The following SAMD12 variants were observed in gnomAD, a reference collection of about 807,000 sequenced individuals.
SAMD12 encodes the protein sterile alpha motif domain-containing protein 12.
SAMD12 carries 9 observed loss-of-function variants against 15.0 expected under a neutral mutation model. That is an observed-to-expected ratio of 0.60 (90% confidence interval 0.36 to 1.05). The LOEUF (loss-of-function observed/expected upper bound fraction) is 1.05. Ranked by LOEUF, SAMD12 falls within the 50% of genes least tolerant of loss-of-function variation. The probability of loss-of-function intolerance (pLI) is 0.01; values close to 1 mark genes in which losing one functional copy is unlikely to be tolerated. For missense variants in SAMD12, 230 were observed against 234.2 expected (o/e 0.98, Z 0.12); for synonymous variants, 86 against 90.1 (o/e 0.96, Z 0.25).
intron 4 of SAMD12, among the ~76,000 whole-genome samples, chr8:118,225,353 C>T (rs1453885172): frequency 2.0e-5 from 3 of 152,098 alleles, no homozygotes; most frequent in African/African-American, 7.2e-5. Context: ...GAATACAATG[C>T]TGTTGTCTGG....
chr8:118,215,054 G>C (rs1274734280), intron 4 of SAMD12, among the ~76,000 whole-genome samples: 1 of 152,108 alleles, frequency 6.6e-6, no homozygotes, highest in Non-Finnish European at 1.5e-5. Flanking sequence ...GAGGAATATA[G>C]ACATGAAAAA....
At chr8:118,390,273 G>T (rs1390880564) in intron 3 of SAMD12, among the ~76,000 whole-genome samples, 2 of 152,164 alleles carry the variant, frequency 1.3e-5, no homozygotes. Flanking sequence ...CTCCCAAAGT[G>T]CTAGGATTAC....
chr8:118,259,259 C>G (rs1813023752), intron 4 of SAMD12, among the ~76,000 whole-genome samples: 1 of 152,126 alleles, frequency 6.6e-6, no homozygotes, highest in Non-Finnish European at 1.5e-5. Flanking sequence ...ATGTGACCAA[C>G]ATATTCTAGA....
intron 3 of SAMD12, among the ~76,000 whole-genome samples, chr8:118,420,105 C>T (rs144935606): frequency 1.3e-5 from 2 of 152,338 alleles, no homozygotes; most frequent in African/African-American, 2.4e-5. Flanking sequence ...TCTTCTGCTG[C>T]TCATTTACCT....
chr8:118,294,272 C>G (rs572084698), intron 4 of SAMD12, among the ~76,000 whole-genome samples: 8 of 152,298 alleles, frequency 5.3e-5, no homozygotes, highest in African/African-American at 1.7e-4. Flanking sequence ...CACTTCTACC[C>G]AAAAGCACTG....
chr8:118,288,799 T>C (rs1206140624), intron 4 of SAMD12, among the ~76,000 whole-genome samples: 1 of 152,204 alleles, frequency 6.6e-6, no homozygotes, highest in Non-Finnish European at 1.5e-5. Flanking sequence ...GAACCAATCT[T>C]TTAAAAATTT....
chr8:118,401,019 A>G (rs544999098), intron 3 of SAMD12, among the ~76,000 whole-genome samples: 3 of 152,354 alleles, frequency 2.0e-5, no homozygotes, highest in African/African-American at 7.2e-5. Context: ...AAATGTGCCT[A>G]AACTGAACAA....
At chr8:118,375,036 G>A (rs935909026), downstream of SAMD12, among the ~76,000 whole-genome samples, 2 of 152,024 alleles carry the variant, frequency 1.3e-5, no homozygotes, top group African/African-American at 2.4e-5. Flanking sequence ...CTATGGTTGG[G>A]TTTTGCCTAG....
At chr8:118,608,769 G>A (rs1828040100) in intron 1 of SAMD12, among the ~76,000 whole-genome samples, 1 of 152,166 alleles carries the variant, frequency 6.6e-6, no homozygotes, top group Admixed American at 6.5e-5. Flanking sequence ...TTCCCAAAGT[G>A]CTGAAAGGAT....
At chr8:118,353,841 T>G (rs1318286632) in intron 4 of SAMD12, among the ~76,000 whole-genome samples, 1 of 152,136 alleles carries the variant, frequency 6.6e-6, no homozygotes, top group Non-Finnish European at 1.5e-5. Context: ...ATTTAGCCAG[T>G]GAGTGGTATC....
intron 2 of SAMD12, among the ~76,000 whole-genome samples, chr8:118,558,920 A>G (rs1826627006): frequency 6.6e-6 from 1 of 152,168 alleles, no homozygotes; most frequent in Non-Finnish European, 1.5e-5. Context: ...TAGCAAACTC[A>G]TGCTGTTCGT....
At chr8:118,259,120 CAG>C (rs1285198665) in intron 4 of SAMD12, among the ~76,000 whole-genome samples, 8 of 152,194 alleles carry the variant, frequency 5.3e-5, no homozygotes, top group African/African-American at 1.9e-4. Flanking sequence ...AACACAGACA[CAG>C]GACCTACAGA....
downstream of SAMD12, among the ~76,000 whole-genome samples, chr8:118,184,634 T>A (rs146994400): frequency 5.9e-3 from 901 of 152,270 alleles, 4 homozygotes; most frequent in Non-Finnish European, 0.01. Context: ...TAGCTGGGAT[T>A]ATAGGTACCT....
intron 2 of SAMD12, among the ~76,000 whole-genome samples, chr8:118,490,333 G>T (rs1563891282): frequency 1.3e-5 from 2 of 152,122 alleles, no homozygotes; most frequent in African/African-American, 4.8e-5. Context: ...CTTCAAACCA[G>T]CCACTAGCAG....
intron 4 of SAMD12, among the ~76,000 whole-genome samples, chr8:118,366,017 T>C (rs1450607041): frequency 6.6e-6 from 1 of 152,174 alleles, no homozygotes; most frequent in Non-Finnish European, 1.5e-5. Flanking sequence ...AAAATCCATG[T>C]ATATAAGAAC....
At chr8:118,580,241 A>C (rs893725063) in intron 2 of SAMD12, among the ~76,000 whole-genome samples, 1 of 152,198 alleles carries the variant, frequency 6.6e-6, no homozygotes, top group African/African-American at 2.4e-5. Context: ...ACTAATTAAC[A>C]ATACCTGTAA....
intron 4 of SAMD12, among the ~76,000 whole-genome samples, chr8:118,292,695 T>A (rs1048390073): frequency 6.6e-5 from 10 of 152,014 alleles, no homozygotes; most frequent in African/African-American, 2.4e-4. Context: ...ATGTGGCACA[T>A]ATACACCACG....
At chr8:118,432,605 A>G (rs1822448891) in intron 3 of SAMD12, among the ~76,000 whole-genome samples, 1 of 152,184 alleles carries the variant, frequency 6.6e-6, no homozygotes, top group Non-Finnish European at 1.5e-5. Flanking sequence ...AAGTCTTACA[A>G]TAGAGCCTTA....
intron 4 of SAMD12, among the ~76,000 whole-genome samples, chr8:118,248,587 C>CT (rs892044170): frequency 1.3e-5 from 2 of 151,762 alleles, no homozygotes; most frequent in Admixed American, 1.3e-4. Context: ...AGCTCACTGT[C>CT]TGTTTTGGCC....
Sources: gnomAD v4.1 joint callset for allele counts (sites outside exome capture counted in the v4.1 genomes callset) on GRCh38, gnomAD v4.1.1 for gene constraint, MANE v1.5 for transcripts, NCBI Gene and HGNC (gene_info 2026-07-23, HGNC 2026-07-21) for gene names.